The following ATG7 variants were observed in gnomAD, a reference collection of about 807,000 sequenced individuals.
The protein encoded by ATG7 is autophagy related 7.
Under a neutral mutation model 82.4 loss-of-function variants are expected in ATG7, and 70 were observed. The observed-to-expected ratio is 0.85, with a 90% CI of 0.70 to 1.04. The LOEUF (loss-of-function observed/expected upper bound fraction) is 1.04, where lower values mean the gene tolerates loss of function less well. Ranked by LOEUF, ATG7 falls within the 50% of genes least tolerant of loss-of-function variation. The pLI is 0.00. For missense variants in ATG7, 792 were observed against 864.3 expected (o/e 0.92, Z 1.05); for synonymous variants, 287 against 313.0 (o/e 0.92, Z 0.88).
chr3:11,460,903 G>T (rs1292404768), intron 20 of ATG7, among the ~76,000 whole-genome samples: 1 of 152,152 alleles, frequency 6.6e-6, no homozygotes, highest in Admixed American at 6.6e-5. Context: ...AGCCCAGAGG[G>T]TGTGTGTTTT....
intron 3 of ATG7, among the ~76,000 whole-genome samples, 200 bp downstream of exon 3, chr3:11,282,638 C>T (rs1575134153): frequency 6.6e-6 from 1 of 152,188 alleles, no homozygotes; most frequent in Non-Finnish European, 1.5e-5. Flanking sequence ...TTTCTGTACC[C>T]AGCTGGTTTC....
chr3:11,468,638 G>T (rs1244808459), intron 20 of ATG7, among the ~76,000 whole-genome samples: 2 of 152,174 alleles, frequency 1.3e-5, no homozygotes, highest in African/African-American at 2.4e-5. Context: ...GCCCTAGAAA[G>T]AGGAACTCTT....
chr3:11,575,121 T>C, the ATG7 span, among the ~76,000 whole-genome samples: 2 of 152,186 alleles, frequency 1.3e-5, no homozygotes, highest in South Asian at 2.1e-4. Context: ...GGGATCTGCC[T>C]GGGGCCATGT....
chr3:11,444,778 A>G (rs113638855), intron 20 of ATG7, among the ~76,000 whole-genome samples: 3 of 152,338 alleles, frequency 2.0e-5, no homozygotes, highest in African/African-American at 7.2e-5. Flanking sequence ...TAAATAGATA[A>G]TCTACAGAAT....
chr3:11,389,437 CTTTTTTT>C (rs34261811), intron 19 of ATG7, among the ~76,000 whole-genome samples: 5 of 118,934 alleles, frequency 4.2e-5, no homozygotes, highest in Admixed American at 8.7e-5. Flanking sequence ...TTTGTTAGTG[CTTTTTTT>C]TTTTTTTTTT....
At chr3:11,398,614 G>T (rs114319497) in intron 19 of ATG7, among the ~76,000 whole-genome samples, 3,308 of 152,122 alleles carry the variant, frequency 0.022, 50 homozygotes, top group African/African-American at 0.027. Context: ...GCACTTTGGG[G>T]GGTCAAGGCA....
chr3:11,443,852 G>C (rs1215645104), intron 20 of ATG7, among the ~76,000 whole-genome samples: 1 of 152,078 alleles, frequency 6.6e-6, no homozygotes, highest in Non-Finnish European at 1.5e-5. Context: ...GCAGAAAAAA[G>C]CTTAAAACAT....
intron 5 of ATG7, among the ~76,000 whole-genome samples, chr3:11,303,797 G>A (rs1020909978): frequency 5.4e-5 from 8 of 148,044 alleles, no homozygotes; most frequent in African/African-American, 1.7e-4. Context: ...CTTTTCGGCC[G>A]GGCGCGGTGG....
intron 9 of ATG7, among the ~76,000 whole-genome samples, chr3:11,324,794 G>A (rs1021428909): frequency 1.3e-5 from 2 of 151,802 alleles, no homozygotes; most frequent in Admixed American, 6.6e-5. Flanking sequence ...CTCTACATTT[G>A]CACATGATAA....
At position 11,343,155 on chromosome 3, in the gene ATG7, T is replaced by C. The variant is rs568053392; in HGVS notation, c.1125+876T>C. 1.1e-4 allele frequency among the ~76,000 whole-genome samples: 16 copies of C among 152,196 alleles called. No homozygotes were observed. In the South Asian group the frequency reaches 3.1e-3, roughly 30 times the overall value. On this transcript the variant is annotated intron_variant, in intron 13 of 20. Transcript: ENST00000693202. ...TGTTGTCCAGGCTGGTCTTGAACTCTTGCCCTCAAGTGATCCGCCTGCCTT... is the reference window on the plus strand; with the variant it reads ...TGTTGTCCAGGCTGGTCTTGAACTCCTGCCCTCAAGTGATCCGCCTGCCTT...
chr3:11,341,128 C>T (rs915875013), intron 12 of ATG7, among the ~76,000 whole-genome samples: 63 of 142,710 alleles, frequency 4.4e-4, no homozygotes, highest in African/African-American at 1.6e-3. Flanking sequence ...ATGGCGCAAT[C>T]TCTGCTCACT....
At chr3:11,487,249 C>T (rs1385037278) in intron 20 of ATG7, among the ~76,000 whole-genome samples, 9 of 109,648 alleles carry the variant, frequency 8.2e-5, no homozygotes, top group South Asian at 3.4e-4. Context: ...TACACAGACA[C>T]GGCAACCATC....
intron 3 of ATG7, among the ~76,000 whole-genome samples, chr3:11,283,202 T>C (rs1943365126): frequency 6.6e-6 from 1 of 152,158 alleles, no homozygotes; most frequent in Non-Finnish European, 1.5e-5. Flanking sequence ...TAATTAAGCC[T>C]CTGTTGTGCT....
chr3:11,499,642 G>T (rs2091164506), intron 20 of ATG7, among the ~76,000 whole-genome samples: 1 of 151,662 alleles, frequency 6.6e-6, no homozygotes, highest in African/African-American at 2.4e-5. Flanking sequence ...ACCTACTCGG[G>T]AGGCTGAGGC....
Position 11,325,334 on chromosome 3 carries a change from A to G in ATG7, c.679-6006A>G, listed in dbSNP as rs542253230. On this transcript the variant is annotated intron_variant, in intron 9 of 20. Transcript: ENST00000693202. ...GTTGCTTTTGTTGTTACTATTTGTT[A>G]AGCGCTGGCCTCATTCTCAGTTTCT... 1.2e-4 allele frequency among the ~76,000 whole-genome samples: 19 copies of G among 152,302 alleles called. No individual in the cohort carries two copies. The South Asian group carries it at 3.5e-3, about 28-fold the overall frequency.
intron 20 of ATG7, among the ~76,000 whole-genome samples, chr3:11,537,586 C>CACAATGAGAGTGATTATAAA (rs1485162298): frequency 6.6e-6 from 1 of 152,182 alleles, no homozygotes; most frequent in Admixed American, 6.5e-5. Flanking sequence ...ATCCAGGGGT[C>CACAATGAGAGTGATTATAAA]ACAATGAGAG....
intron 20 of ATG7, among the ~76,000 whole-genome samples, chr3:11,546,955 C>T (rs1418130045): frequency 4.6e-5 from 7 of 152,260 alleles, no homozygotes; most frequent in African/African-American, 1.7e-4. Context: ...GCCTTCTGAA[C>T]TGGGTCATAC....
At chr3:11,463,487 C>T (rs116128610) in intron 20 of ATG7, among the ~76,000 whole-genome samples, 1,698 of 152,210 alleles carry the variant, frequency 0.011, 29 homozygotes, top group African/African-American at 0.038. Flanking sequence ...TTCTTATGGC[C>T]TCCCATCCCA....
intron 19 of ATG7, among the ~76,000 whole-genome samples, chr3:11,409,192 T>C (rs1022491940): frequency 9.9e-5 from 15 of 152,248 alleles, no homozygotes; most frequent in Admixed American, 8.5e-4. Context: ...CCTTGACTTA[T>C]AATAGTTTGA....
Sources: allele counts gnomAD v4.1 joint callset (sites outside exome capture counted in the v4.1 genomes callset), GRCh38; gene constraint gnomAD v4.1.1; transcripts MANE v1.5; gene names NCBI Gene and HGNC (gene_info 2026-07-23, HGNC 2026-07-21).